Variants in IPCEF1 observed in about 807,000 individuals in gnomAD.
IPCEF1 encodes interactor protein for cytohesin exchange factors 1.
In IPCEF1, 31 loss-of-function variants were observed where a neutral mutation model predicts 50.9. The ratio of observed to expected loss-of-function variants is 0.61; its 90% confidence interval spans 0.46 to 0.82. The LOEUF is 0.82. IPCEF1 is among the 40% of genes least tolerant of loss of function. The pLI is 0.00. For missense variants in IPCEF1, 458 were observed against 514.0 expected (o/e 0.89, Z 1.05); for synonymous variants, 181 against 192.0 (o/e 0.94, Z 0.47).
rs182210241 is a variant in IPCEF1, at chr6:154,247,069, C to T, written c.77-309G>A. Reference sequence around the variant, plus strand: ...AGTATTAGTCTAAGAATAGTATTCACCAAGAATAAGTTGAAAATAATTAAA... The same window carrying T: ...AGTATTAGTCTAAGAATAGTATTCATCAAGAATAAGTTGAAAATAATTAAA... On this transcript the variant is annotated intron_variant, in intron 4 of 11. Coordinates refer to ENST00000367220, the MANE Select transcript of IPCEF1 (RefSeq NM_001130700.2). 5 of 394,084 alleles carry T rather than the reference C, an allele frequency of 1.3e-5. No homozygotes were observed. In the East Asian group the frequency reaches 2.0e-4, roughly 16 times the overall value. The allele number at this position is 394,084 out of a possible 1,614,324, so 24.4% of individuals were successfully genotyped here.
intron 10 of IPCEF1, among the ~76,000 whole-genome samples, chr6:154,181,598 C>T (rs745951196): frequency 2.0e-5 from 3 of 152,198 alleles, no homozygotes; most frequent in Non-Finnish European, 2.9e-5. Flanking sequence ...TAGCAGTTGA[C>T]TGAACTGGAC....
intron 3 of IPCEF1, among the ~76,000 whole-genome samples, chr6:154,256,084 CAGAGTACCAT>C (rs1431888981): frequency 3.0e-4 from 46 of 152,238 alleles, no homozygotes; most frequent in African/African-American, 1.1e-3. Flanking sequence ...ACTGCTGTAA[CAGAGTACCAT>C]AGACTGAGTG....
intron 1 of IPCEF1, among the ~76,000 whole-genome samples, chr6:154,323,922 C>A (rs1384797903): frequency 6.6e-6 from 1 of 152,208 alleles, no homozygotes; most frequent in Non-Finnish European, 1.5e-5. Context: ...CATTGCACTC[C>A]AGCCTGGATG....
intron 8 of IPCEF1, 56 bp from the exon 9 acceptor site, chr6:154,212,911 A>G (rs1424798192): frequency 4.2e-6 from 5 of 1,187,844 alleles, no homozygotes; most frequent in Non-Finnish European, 1.2e-6. Context: ...TTATTCCATA[A>G]TGCATGAGCA....
At chr6:154,315,342 A>C (rs1583980370) in intron 1 of IPCEF1, among the ~76,000 whole-genome samples, 1 of 152,202 alleles carries the variant, frequency 6.6e-6, no homozygotes, top group East Asian at 1.9e-4. Flanking sequence ...TATGAACATG[A>C]CATTTCTACA....
In IPCEF1 at chr6:154,235,334, C is replaced by A. The variant is rs184912288; in HGVS notation, c.246+11257G>T. On this transcript the variant is annotated intron_variant, in intron 5 of 11. Coordinates refer to ENST00000367220, the MANE Select transcript of IPCEF1 (RefSeq NM_001130700.2). ...TCACCTGAGGTCAGGAGTTTGAGACCAGCCTGGCCCACATGGCGAAAACCC... is the reference window on the plus strand; with the variant it reads ...TCACCTGAGGTCAGGAGTTTGAGACAAGCCTGGCCCACATGGCGAAAACCC... Among the ~76,000 whole-genome samples the A allele has an allele frequency of 4.3e-4, 65 of 152,242 alleles. 3 individuals are homozygous for A. In the East Asian group the frequency reaches 0.012, roughly 28 times the overall value.
chr6:154,270,838 C>G (rs940538364), intron 2 of IPCEF1, among the ~76,000 whole-genome samples: 5 of 151,866 alleles, frequency 3.3e-5, no homozygotes, highest in Admixed American at 1.3e-4. Context: ...TAGCCAGGTG[C>G]GGTGGTGCAC....
At chr6:154,204,479 T>C (rs1361537175) in intron 9 of IPCEF1, among the ~76,000 whole-genome samples, 1 of 152,208 alleles carries the variant, frequency 6.6e-6, no homozygotes. Flanking sequence ...AGTCAATTGT[T>C]GTTAAGCCCC....
intron 1 of IPCEF1, among the ~76,000 whole-genome samples, chr6:154,341,324 T>C (rs889079245): frequency 6.6e-5 from 10 of 151,740 alleles, no homozygotes; most frequent in Non-Finnish European, 1.5e-4. Flanking sequence ...CAAATAAGAG[T>C]CCATAGTTAA....
At chr6:154,273,867 C>T (rs978724250) in intron 2 of IPCEF1, among the ~76,000 whole-genome samples, 1 of 149,982 alleles carries the variant, frequency 6.7e-6, no homozygotes, top group Non-Finnish European at 1.5e-5. Context: ...CATTCTCCTG[C>T]CTCAGCCTCC....
At chr6:154,233,894 G>A (rs1185733896) in intron 5 of IPCEF1, among the ~76,000 whole-genome samples, 1 of 152,132 alleles carries the variant, frequency 6.6e-6, no homozygotes, top group Non-Finnish European at 1.5e-5. Flanking sequence ...AACCAGCAAC[G>A]AATGGGTCTT....
intron 2 of IPCEF1, among the ~76,000 whole-genome samples, chr6:154,279,839 G>C (rs1372772242): frequency 6.6e-6 from 1 of 152,152 alleles, no homozygotes; most frequent in Non-Finnish European, 1.5e-5. Context: ...GAAAACCTAA[G>C]ACAAAAATGA....
intron 1 of IPCEF1, among the ~76,000 whole-genome samples, chr6:154,327,245 C>T (rs1166995227): frequency 6.6e-6 from 1 of 152,032 alleles, no homozygotes; most frequent in Non-Finnish European, 1.5e-5. Context: ...AGCTTCTGCA[C>T]ACCAAAAGAA....
chr6:154,266,081 A>T, intron 2 of IPCEF1, 117 bp from the exon 3 acceptor site: 1 of 651,838 alleles, frequency 1.5e-6, no homozygotes. Context: ...TTTACAATAA[A>T]AGTAATTCAT....
chr6:154,339,813 G>A lies in IPCEF1; in HGVS notation c.-62+16859C>T, dbSNP rs1054859852. 5.9e-5 allele frequency among the ~76,000 whole-genome samples: 9 copies of A among 152,000 alleles called. No individual in the cohort carries two copies. In the East Asian group the frequency reaches 1.7e-3, roughly 29 times the overall value. ...GTCTCACTATGTATAACCCAGGCTCGTCTGGAACACTTGGGCTCAAGCGAG... is the reference window on the plus strand; with the variant it reads ...GTCTCACTATGTATAACCCAGGCTCATCTGGAACACTTGGGCTCAAGCGAG... On this transcript the variant is annotated intron_variant, in intron 1 of 11. Coordinates refer to ENST00000367220, the MANE Select transcript of IPCEF1 (RefSeq NM_001130700.2).
At chr6:154,214,147 T>C in intron 8 of IPCEF1, 71 bp downstream of exon 8, 2 of 994,742 alleles carry the variant, frequency 2.0e-6, no homozygotes, top group South Asian at 1.3e-5. Flanking sequence ...AACTTGACAT[T>C]GTTTTTTCAC....
intron 10 of IPCEF1, among the ~76,000 whole-genome samples, chr6:154,192,294 A>G (rs1162856302): frequency 6.8e-6 from 1 of 147,164 alleles, no homozygotes; most frequent in Non-Finnish European, 1.5e-5. Flanking sequence ...CTGTTTCTTG[A>G]CCCAAATGGT....
chr6:154,235,620 T>G (rs944335468), intron 5 of IPCEF1, among the ~76,000 whole-genome samples: 7 of 151,616 alleles, frequency 4.6e-5, no homozygotes, highest in African/African-American at 1.7e-4. Flanking sequence ...CTTCCTGCAA[T>G]GTGAAGTTAT....
intron 5 of IPCEF1, among the ~76,000 whole-genome samples, chr6:154,244,688 C>T (rs1426377750): frequency 1.3e-5 from 2 of 152,322 alleles, no homozygotes; most frequent in East Asian, 3.9e-4. Flanking sequence ...GCTGAATGAG[C>T]TGATGAGGCC....
Sources: allele counts gnomAD v4.1 joint callset (sites outside exome capture counted in the v4.1 genomes callset), GRCh38; gene constraint gnomAD v4.1.1; transcripts MANE v1.5; gene names NCBI Gene and HGNC (gene_info 2026-07-23, HGNC 2026-07-21).